The following SLC13A2 variants were observed in gnomAD, a reference collection of about 807,000 sequenced individuals.
SLC13A2 encodes Na(+)-coupled citrate transporter.
SLC13A2 carries 40 observed loss-of-function variants against 58.5 expected under a neutral mutation model. That is an observed-to-expected ratio of 0.68 (90% CI 0.53 to 0.89). The LOEUF is 0.89. Ranked by LOEUF, SLC13A2 falls within the 40% of genes least tolerant of loss-of-function variation. SLC13A2 has a pLI of 0.00. For missense variants in SLC13A2, 694 were observed against 772.6 expected (o/e 0.90, Z 1.21); for synonymous variants, 341 against 331.6 (o/e 1.03, Z -0.31).
chr17:28,491,193 T>A (rs1295612841), intron 4 of SLC13A2, among the ~76,000 whole-genome samples: 1 of 152,138 alleles, frequency 6.6e-6, no homozygotes, highest in Non-Finnish European at 1.5e-5. Flanking sequence ...TCCTGAGTGG[T>A]TTGGGTAATC....
intron 1 of SLC13A2, among the ~76,000 whole-genome samples, chr17:28,475,673 C>T (rs1286851434): frequency 6.6e-6 from 1 of 152,174 alleles, no homozygotes; most frequent in African/African-American, 2.4e-5. Context: ...AACCCTGGGC[C>T]ACCCTCACAT....
At position 28,494,108 on chromosome 17, in the gene SLC13A2, A is replaced by G. The variant is rs781943933; in HGVS notation, c.1186+3A>G. ...CCCAGGGCTGACCCAGGACCCAGGT[A>G]AGCACCTGGACTGGGGCAGGGAAGG... is the stretch of plus-strand genomic sequence containing the variant. On this transcript the variant is annotated splice_donor_region_variant and intron_variant, in intron 8 of 11. Transcript: ENST00000314669. The surrounding 1 kb of genome is among the most constrained non-coding windows in gnomAD (Gnocchi z 4.0). The G allele has an allele frequency of 1.4e-5, 22 of 1,613,150 alleles. No homozygotes were observed. Among genetic ancestry groups the G allele is most frequent in the Non-Finnish European group, 1.9e-5 (22 of 1,179,078 alleles).
intron 1 of SLC13A2, among the ~76,000 whole-genome samples, chr17:28,483,638 T>TA (rs561439769): frequency 3.7e-4 from 56 of 152,136 alleles, no homozygotes; most frequent in African/African-American, 1.3e-3. Flanking sequence ...CCCTGTCTCT[T>TA]AAAAAAAATT....
intron 2 of SLC13A2, among the ~76,000 whole-genome samples, chr17:28,489,771 A>T (rs1045463349): frequency 6.6e-6 from 1 of 152,204 alleles, no homozygotes; most frequent in Admixed American, 6.5e-5. Context: ...TATTTCTAAC[A>T]AGTTCCAGTT....
intron 1 of SLC13A2, among the ~76,000 whole-genome samples, chr17:28,483,699 AG>A (rs1555601518): frequency 1.3e-5 from 2 of 152,188 alleles, no homozygotes; most frequent in Admixed American, 1.3e-4. Context: ...TCGTCCTTAC[AG>A]TAGCCCAGTT....
At chr17:28,493,985 C>T in intron 7 of SLC13A2, 32 bp from the exon 8 acceptor site, 3 of 1,600,452 alleles carry the variant, frequency 1.9e-6, no homozygotes, top group East Asian at 4.5e-5. Context: ...AAGCGGCTAA[C>T]CCAGCCCTCC....
chr17:28,495,586 G>T, intron 9 of SLC13A2, 69 bp from the exon 10 acceptor site: 1 of 1,504,148 alleles, frequency 6.6e-7, no homozygotes, highest in Non-Finnish European at 9.0e-7. Flanking sequence ...GAGCCTCATA[G>T]AGCCTCGGCA....
At chr17:28,478,407 T>C (rs1177297138) in intron 1 of SLC13A2, among the ~76,000 whole-genome samples, 1 of 152,180 alleles carries the variant, frequency 6.6e-6, no homozygotes, top group African/African-American at 2.4e-5. Flanking sequence ...TTATAGTCTA[T>C]AGGAGGAGAC....
chr17:28,491,963 T>G, intron 6 of SLC13A2, 111 bp downstream of exon 6: 1 of 1,446,268 alleles, frequency 6.9e-7, no homozygotes, highest in Non-Finnish European at 9.3e-7. Context: ...ATGAGAAGGC[T>G]TCTCCCTCCC....
Position 28,496,512 on chromosome 17 carries a change from G to A in SLC13A2, c.1533G>A (p.Leu511=), listed in dbSNP as rs2069146504. The A allele has an allele frequency of 6.2e-7, 1 of 1,613,762 alleles. No individual in the cohort carries two copies. The highest frequency in any genetic ancestry group is 2.2e-5 in the East Asian group (1 of 44,844). Residue 511 remains leucine, a synonymous_variant, in exon 11 of 12, where the codon CTG becomes CTA. Coordinates refer to ENST00000314669, the MANE Select transcript of SLC13A2 (RefSeq NM_003984.4). The surrounding 1 kb of genome is among the most constrained non-coding windows in gnomAD (Gnocchi z 4.2). ...VMLPCTLATS[L]AFMLPVATPP... is the part of the protein sequence containing the mutation. ...TCCCCTGCACTCTGGCCACCTCCCT[G>A]GCCTTCATGTTGCCTGTGGCCACCC...
intron 1 of SLC13A2, among the ~76,000 whole-genome samples, chr17:28,484,292 G>A (rs1413728760): frequency 3.3e-5 from 5 of 152,194 alleles, no homozygotes; most frequent in South Asian, 4.1e-4. Flanking sequence ...CCTCCTGGAA[G>A]CCAGCCTGAA....
intron 1 of SLC13A2, chr17:28,487,464 A>C: frequency 2.4e-6 from 2 of 840,682 alleles, no homozygotes; most frequent in Non-Finnish European, 2.9e-6. Flanking sequence ...TGCAACTTGT[A>C]AAAGCATTTG....
Position 28,494,914 on chromosome 17 carries a change from A to C in SLC13A2, c.1308+402A>C, listed in dbSNP as rs2151463916. On this transcript the variant is annotated intron_variant, in intron 9 of 11. Coordinates refer to ENST00000314669, the MANE Select transcript of SLC13A2 (RefSeq NM_003984.4). This position sits in a 1 kb window ranked among gnomAD's most constrained non-coding sequence, Gnocchi z 4.0. ...GGGGGCACCATGATCACACCCACCC[A>C]GGCTCTGGGGACCAGAACATCTTTC... 6.6e-6 allele frequency among the ~76,000 whole-genome samples: 1 copy of C among 152,248 alleles called. No homozygotes were observed. The highest frequency in any genetic ancestry group is 1.9e-4 in the East Asian group (1 of 5,162).
Position 28,473,736 on chromosome 17 carries a change from G to T in SLC13A2, c.24G>T (p.Leu8=), listed in dbSNP as rs1567840502. 6.2e-7 allele frequency: 1 copy of T among 1,614,088 alleles called. No individual in the cohort carries two copies. The highest frequency in any genetic ancestry group is 2.2e-5 in the East Asian group (1 of 44,872). ...CCATGGCCACCTGCTGGCAGGCCCT[G>T]TGGGCCTATCGCTCCTACCTGATCG... MATCWQA[L]WAYRSYLIVF... The change falls in exon 1 of 12, where the codon CTG becomes CTT. Residue 8 remains leucine, a synonymous_variant. Coordinates refer to ENST00000314669, the MANE Select transcript of SLC13A2 (RefSeq NM_003984.4).
chr17:28,480,167 AG>A (rs1319692920), intron 1 of SLC13A2, among the ~76,000 whole-genome samples: 3 of 133,474 alleles, frequency 2.2e-5, no homozygotes, highest in Non-Finnish European at 3.3e-5. Context: ...AAAAAAAAAA[AG>A]GGGGGGTCAA....
At chr17:28,482,066 G>A (rs532761234) in intron 1 of SLC13A2, among the ~76,000 whole-genome samples, 1 of 152,144 alleles carries the variant, frequency 6.6e-6, no homozygotes, top group African/African-American at 2.4e-5. Flanking sequence ...ACCCAGGCTG[G>A]AGTGCAATGG....
intron 1 of SLC13A2, among the ~76,000 whole-genome samples, chr17:28,479,225 C>A (rs543254760): frequency 6.6e-6 from 1 of 152,118 alleles, no homozygotes; most frequent in African/African-American, 2.4e-5. Flanking sequence ...AAAATAAATT[C>A]TCTATAGTCA....
At chr17:28,477,483 C>T (rs534715484) in intron 1 of SLC13A2, among the ~76,000 whole-genome samples, 45 of 112,768 alleles carry the variant, frequency 4.0e-4, no homozygotes, top group Non-Finnish European at 8.4e-4. Flanking sequence ...CGTGAGCCAC[C>T]ATGCCCGGCC....
At position 28,473,750 on chromosome 17, in the gene SLC13A2, C is replaced by T. The variant is rs2068623939; in HGVS notation, c.38C>T (p.Ser13Phe). ...TGGCAGGCCCTGTGGGCCTATCGCT[C>T]CTACCTGATCGTGTTCTTCGTGCCC... ...TCWQALWAYR[S>F]YLIVFFVPIL... Residue 13 changes from serine (S) to phenylalanine (F), a missense_variant, in exon 1 of 12, where the codon TCC becomes TTC. Physicochemically the swap from Ser to Phe is radical, Grantham distance 155. Transcript: ENST00000314669. 3.7e-6 allele frequency: 6 copies of T among 1,614,204 alleles called. No homozygotes were observed. The highest frequency in any genetic ancestry group is 5.1e-6 in the Non-Finnish European group (6 of 1,180,034).
Sources: allele counts gnomAD v4.1 joint callset (sites outside exome capture counted in the v4.1 genomes callset), GRCh38; gene constraint gnomAD v4.1.1; non-coding constraint Gnocchi (gnomAD v3.1); transcripts MANE v1.5; gene names NCBI Gene and HGNC (gene_info 2026-07-23, HGNC 2026-07-21).